The following NKAIN2 variants were observed in gnomAD, a reference collection of about 807,000 sequenced individuals.
The protein encoded by NKAIN2 is sodium/potassium transporting ATPase interacting 2, also known as sodium/potassium-transporting ATPase subunit beta-1-interacting protein 2.
NKAIN2 carries 14 observed loss-of-function variants against 32.6 expected under a neutral mutation model. The ratio of observed to expected loss-of-function variants is 0.43; its 90% CI spans 0.28 to 0.67. NKAIN2 has a LOEUF of 0.67. Among genes scored for constraint, NKAIN2 ranks in the 30% least tolerant of loss-of-function variants. The pLI, the probability that NKAIN2 is intolerant of heterozygous loss-of-function variation, is 0.17. For missense variants in NKAIN2, 198 were observed against 258.3 expected (o/e 0.77, Z 1.60); for synonymous variants, 80 against 87.2 (o/e 0.92, Z 0.46).
intron 4 of NKAIN2, among the ~76,000 whole-genome samples, chr6:124,709,817 T>C (rs1208542953): frequency 6.6e-6 from 1 of 151,486 alleles, no homozygotes; most frequent in African/African-American, 2.4e-5. Context: ...GGGTTTTTTG[T>C]GTCTCTATTT....
chr6:124,323,665 G>A (rs575116056), intron 2 of NKAIN2, among the ~76,000 whole-genome samples: 61 of 151,680 alleles, frequency 4.0e-4, no homozygotes, highest in African/African-American at 5.6e-4. Context: ...TCTCTCTGCC[G>A]AAACCACACT....
intron 3 of NKAIN2, among the ~76,000 whole-genome samples, chr6:124,578,762 G>T (rs1220798652): frequency 6.6e-6 from 1 of 152,100 alleles, no homozygotes; most frequent in Non-Finnish European, 1.5e-5. Context: ...GAGACTCAGT[G>T]CTGTGCTGGC....
intron 1 of NKAIN2, among the ~76,000 whole-genome samples, chr6:124,227,952 C>A (rs1792210015): frequency 6.6e-6 from 1 of 152,124 alleles, no homozygotes; most frequent in African/African-American, 2.4e-5. Flanking sequence ...AGTTGGAAAT[C>A]AGGGTGCTAG....
intron 1 of NKAIN2, among the ~76,000 whole-genome samples, chr6:123,883,767 C>T (rs1223274558): frequency 6.7e-6 from 1 of 149,228 alleles, no homozygotes; most frequent in Non-Finnish European, 1.5e-5. Flanking sequence ...TGGTGTCAGG[C>T]GCCTGTAGTC....
intron 3 of NKAIN2, among the ~76,000 whole-genome samples, chr6:124,434,876 T>C (rs1775371796): frequency 6.6e-6 from 1 of 152,144 alleles, no homozygotes; most frequent in Non-Finnish European, 1.5e-5. Context: ...ATGCAAAAGA[T>C]GGTCAGAGAA....
intron 2 of NKAIN2, among the ~76,000 whole-genome samples, chr6:124,346,788 T>A (rs9375324): frequency 0.84 from 127,096 of 151,548 alleles, 53,443 homozygotes; most frequent in African/African-American, 0.89. Context: ...CTCTTTATCC[T>A]ATTTGCCAGT....
At chr6:123,945,201 A>G (rs1777007996) in intron 1 of NKAIN2, among the ~76,000 whole-genome samples, 1 of 151,988 alleles carries the variant, frequency 6.6e-6, no homozygotes, top group Non-Finnish European at 1.5e-5. Flanking sequence ...CTTTTTCATC[A>G]ATGTCTTCAA....
Position 124,776,124 on chromosome 6 carries a change from G to A in NKAIN2, c.475-15215G>A, listed in dbSNP as rs1778974197. 4.6e-5 allele frequency among the ~76,000 whole-genome samples: 7 copies of A among 152,274 alleles called. No individual in the cohort carries two copies. In the South Asian group the frequency reaches 1.4e-3, roughly 32 times the overall value. On this transcript the variant is annotated intron_variant, in intron 4 of 6. Transcript: ENST00000368417. ...GATTGGAGGAGTTTTTGTTCTGAAA[G>A]AATATGTAGTGATCTGTGTTCATAC... is the stretch of plus-strand genomic sequence containing the variant.
intron 3 of NKAIN2, among the ~76,000 whole-genome samples, chr6:124,452,914 A>ACCACAATT: frequency 6.6e-6 from 1 of 152,182 alleles, no homozygotes; most frequent in South Asian, 2.1e-4. Flanking sequence ...CAAGGTTTTA[A>ACCACAATT]CCACAATTAG....
intron 1 of NKAIN2, among the ~76,000 whole-genome samples, chr6:123,997,354 T>C (rs1296293399): frequency 6.6e-6 from 1 of 152,124 alleles, no homozygotes; most frequent in African/African-American, 2.4e-5. Context: ...GGCTGCACCA[T>C]GTGGTAGGAA....
At chr6:124,275,144 A>G (rs936654918) in intron 1 of NKAIN2, among the ~76,000 whole-genome samples, 1 of 152,104 alleles carries the variant, frequency 6.6e-6, no homozygotes, top group African/African-American at 2.4e-5. Flanking sequence ...TGCAGAATGA[A>G]CAGCTGTGAG....
chr6:124,070,780 A>T (rs1026775271), intron 1 of NKAIN2, among the ~76,000 whole-genome samples: 6 of 152,154 alleles, frequency 3.9e-5, no homozygotes, highest in African/African-American at 1.4e-4. Context: ...TATGGAACCA[A>T]AAAGAAGGCT....
intron 1 of NKAIN2, among the ~76,000 whole-genome samples, chr6:124,134,226 CACACT>C: frequency 6.6e-6 from 1 of 151,808 alleles, no homozygotes; most frequent in East Asian, 1.9e-4. Context: ...AAAGAAAAGA[CACACT>C]TAGGGAAATA....
chr6:124,069,371 C>T (rs543758351), intron 1 of NKAIN2, among the ~76,000 whole-genome samples: 1 of 152,226 alleles, frequency 6.6e-6, no homozygotes, highest in Admixed American at 6.5e-5. Context: ...AGAGGCTGGG[C>T]TATTGGCTGC....
At chr6:124,735,335 G>A (rs1776883206) in intron 4 of NKAIN2, among the ~76,000 whole-genome samples, 1 of 151,790 alleles carries the variant, frequency 6.6e-6, no homozygotes, top group Admixed American at 6.6e-5. Flanking sequence ...ATAAAGTAGA[G>A]ATAATCATAA....
intron 1 of NKAIN2, among the ~76,000 whole-genome samples, chr6:124,172,353 C>T (rs1327827164): frequency 1.3e-5 from 2 of 152,036 alleles, no homozygotes; most frequent in African/African-American, 4.8e-5. Flanking sequence ...AGTAGAATGT[C>T]CTGGTTGCAA....
At chr6:124,310,354 A>G (rs1007731718) in intron 2 of NKAIN2, among the ~76,000 whole-genome samples, 3 of 152,158 alleles carry the variant, frequency 2.0e-5, no homozygotes, top group Admixed American at 2.0e-4. Context: ...ATCATTAGTA[A>G]TAAGAGATTT....
chr6:124,139,112 C>A (rs1468098729), intron 1 of NKAIN2, among the ~76,000 whole-genome samples: 1 of 106,242 alleles, frequency 9.4e-6, no homozygotes, highest in African/African-American at 4.1e-5. Flanking sequence ...GACGGAGTCT[C>A]GCTCTGTCGC....
intron 3 of NKAIN2, among the ~76,000 whole-genome samples, chr6:124,366,098 C>G (rs1799504242): frequency 6.6e-6 from 1 of 151,928 alleles, no homozygotes; most frequent in Non-Finnish European, 1.5e-5. Context: ...ACAAATGAAA[C>G]TTCTCTAAAG....
Sources: gnomAD v4.1 joint callset for allele counts (sites outside exome capture counted in the v4.1 genomes callset) on GRCh38, gnomAD v4.1.1 for gene constraint, MANE v1.5 for transcripts, NCBI Gene and HGNC (gene_info 2026-07-23, HGNC 2026-07-21) for gene names.